The following DCXR variants were observed in gnomAD, a reference collection of about 807,000 sequenced individuals.
DCXR encodes L-xylulose reductase.
A neutral mutation model predicts 25.9 loss-of-function variants in DCXR; 24 were observed. The ratio of observed to expected loss-of-function variants is 0.93; its 90% CI spans 0.67 to 1.30. The LOEUF (loss-of-function observed/expected upper bound fraction) is 1.30. Ranked by LOEUF, DCXR falls within the 50% of genes most tolerant of loss-of-function variation. DCXR has a pLI of 0.00. For missense variants in DCXR, 348 were observed against 333.7 expected (o/e 1.04, Z -0.33); for synonymous variants, 161 against 141.7 (o/e 1.14, Z -0.97).
rs1261854537 is a variant in DCXR, at chr17:82,035,956, G to A, written c.*4C>T. 1 of 1,611,560 alleles carries A rather than the reference G, an allele frequency of 6.2e-7. No individual in the cohort carries two copies. Among genetic ancestry groups the A allele is most frequent in the Non-Finnish European group, 8.5e-7 (1 of 1,179,070 alleles). On this transcript the variant is annotated 3_prime_UTR_variant, in exon 8 of 8. Transcript: ENST00000306869. ...GCATGGGGCTTGAGGTGTGTGGAGG[G>A]AGCTCAGCAGGCCCAGAAGCCCCCT... is the stretch of plus-strand genomic sequence containing the variant.
chr17:82,037,287 G>T, intron 2 of DCXR, 163 bp downstream of exon 2: 1 of 960,284 alleles, frequency 1.0e-6, no homozygotes, highest in Non-Finnish European at 1.5e-6. Context: ...GGCCGCCCAC[G>T]CAGGCCACCA....
At chr17:82,037,052 C>G (rs1244164958) in intron 2 of DCXR, 39 bp from the exon 3 acceptor site, 2 of 1,548,536 alleles carry the variant, frequency 1.3e-6, no homozygotes, top group African/African-American at 2.7e-5. Flanking sequence ...GGCTCTGTGC[C>G]CAGCAAGCGG....
chr17:82,037,622 G>A lies in DCXR; in HGVS notation c.52+9C>T, dbSNP rs778506852. 1.3e-6 allele frequency: 2 copies of A among 1,576,784 alleles called. No homozygotes were observed. Among genetic ancestry groups the A allele is most frequent in the African/African-American group, 1.4e-5 (1 of 73,944 alleles). Reference sequence around the variant, plus strand: ...CGCCGGCCTTTGCCCACCTTTCCCCGCCGCCCACCTTTGCCTGCCCCGGTG... The same window carrying A: ...CGCCGGCCTTTGCCCACCTTTCCCCACCGCCCACCTTTGCCTGCCCCGGTG... On this transcript the variant is annotated intron_variant, in intron 1 of 7. Coordinates refer to ENST00000306869, the MANE Select transcript of DCXR (RefSeq NM_016286.4).
In DCXR at chr17:82,037,673, A is replaced by G. The variant is rs762303638; in HGVS notation, c.10T>C (p.Phe4Leu). The G allele has an allele frequency of 4.3e-4, 683 of 1,591,460 alleles. No individual in the cohort carries two copies. Among genetic ancestry groups the G allele is most frequent in the Non-Finnish European group, 5.5e-4 (645 of 1,176,604 alleles). The change falls in exon 1 of 8, where the codon TTC becomes CTC. Residue 4 changes from phenylalanine to leucine, a missense_variant. Coordinates refer to ENST00000306869, the MANE Select transcript of DCXR (RefSeq NM_016286.4). MEL[F>L]LAGRRVLVTG... ...ACCAGCACCCGGCGGCCCGCGAGGA[A>G]CAGCTCCATGTCGGCGCAGTCTCCG...
In DCXR at chr17:82,036,637, CCA is replaced by C; in HGVS notation, c.353_354del (p.Val118GlyfsTer27). ...ACTCCCCGGGCTATTAAGCCCCTGGCCACAATCTGGAATCGCAGCGAGACCGT... is the reference window on the plus strand; with the variant it reads ...ACTCCCCGGGCTATTAAGCCCCTGGCCAATCTGGAATCGCAGCGAGACCGT... ...LRAVIQVSQI[V>X]ARGLIARGVP... On this transcript the variant is annotated frameshift_variant, in exon 5 of 8. Coordinates refer to ENST00000306869, the MANE Select transcript of DCXR (RefSeq NM_016286.4). LOFTEE classifies it high-confidence loss of function. The C allele has an allele frequency of 2.5e-6, 4 of 1,613,330 alleles. No individual in the cohort carries two copies. The highest frequency in any genetic ancestry group is 3.4e-6 in the Non-Finnish European group (4 of 1,180,008).
At position 82,037,467 on chromosome 17, in the gene DCXR, C is replaced by T. The variant is rs972691006; in HGVS notation, c.133G>A (p.Asp45Asn). 2 of 1,531,856 alleles carry T rather than the reference C, an allele frequency of 1.3e-6. No individual in the cohort carries two copies. Among genetic ancestry groups the T allele is most frequent in the South Asian group, 2.4e-5 (2 of 83,570 alleles). 94.9% of individuals were successfully genotyped at this position (1,531,856 alleles called of 1,614,324 possible). Residue 45 changes from aspartate (D) to asparagine (N), a missense_variant, in exon 2 of 8, where the codon GAC becomes AAC. Transcript: ENST00000306869. ...VAVSRTQADLDSLVRECPGIE... is the reference protein window; with the variant it reads ...VAVSRTQADLNSLVRECPGIE... The stretch of plus-strand genomic sequence containing the variant: ...GGACCTACCTCGCGGACAAGGCTGT[C>T]AAGATCCGCCTGAGTCCGGCTCACA...
chr17:82,037,089 C>T (rs2043501526), intron 2 of DCXR, 76 bp from the exon 3 acceptor site: 4 of 1,528,956 alleles, frequency 2.6e-6, no homozygotes, highest in Non-Finnish European at 3.5e-6. Flanking sequence ...GGCTGGTGAC[C>T]TTTCAGCCGG....
chr17:82,037,417 C>T lies in DCXR; in HGVS notation c.150+33G>A, dbSNP rs750187819. The T allele has an allele frequency of 3.5e-5, 53 of 1,513,768 alleles. No homozygotes were observed. In the African/African-American group the frequency reaches 7.1e-4, roughly 20 times the overall value. The allele number at this position is 1,513,768 out of a possible 1,614,324, so 93.8% of individuals were successfully genotyped here. A position where few individuals can be genotyped will look rare whatever the true frequency, so the allele number is the denominator to read the frequency against. ...TCGCTGCCGCCCCCTCCTGGCTCGC[C>T]GCCTCGCAGCGCTGGGACCCGGCGG... On this transcript the variant is annotated intron_variant, in intron 2 of 7. Coordinates refer to ENST00000306869, the MANE Select transcript of DCXR (RefSeq NM_016286.4).
At position 82,037,485 on chromosome 17, in the gene DCXR, G is replaced by T. The variant is rs761485340; in HGVS notation, c.115C>A (p.Arg39=). The part of the protein sequence containing the change: ...ATGARVVAVS[R]TQADLDSLVR... ...AGGCTGTCAAGATCCGCCTGAGTCCGGCTCACAGCCACCACCCGCGCGCCC... is the reference window on the plus strand; with the variant it reads ...AGGCTGTCAAGATCCGCCTGAGTCCTGCTCACAGCCACCACCCGCGCGCCC... Residue 39 remains arginine, a synonymous_variant, in exon 2 of 8, where the codon CGG becomes AGG. Coordinates refer to ENST00000306869, the MANE Select transcript of DCXR (RefSeq NM_016286.4). 8 of 1,536,704 alleles carry T rather than the reference G, an allele frequency of 5.2e-6. No homozygotes were observed. In the South Asian group the frequency reaches 6.0e-5, roughly 11 times the overall value.
chr17:82,037,160 T>C, intron 2 of DCXR, 147 bp from the exon 3 acceptor site: 1 of 1,088,580 alleles, frequency 9.2e-7, no homozygotes, highest in Non-Finnish European at 1.3e-6. Context: ...AGCCGGGCGC[T>C]ACCTCCGGCC....
rs369621092 is a variant in DCXR at position 82,036,337 on chromosome 17, G to A, written c.514-29C>T. The A allele has an allele frequency of 9.3e-6, 15 of 1,613,154 alleles. No homozygotes were observed. The African/African-American group carries it at 1.9e-4, about 20-fold the overall frequency. ...CACCGGGACAGCTGGGGTCAGCAGGGCAAGTGGGGTGTCCTAGGTTGGGGG... is the reference window on the plus strand; with the variant it reads ...CACCGGGACAGCTGGGGTCAGCAGGACAAGTGGGGTGTCCTAGGTTGGGGG... On this transcript the variant is annotated intron_variant, in intron 6 of 7. Transcript: ENST00000306869.
At chr17:82,037,122 C>T in intron 2 of DCXR, 109 bp from the exon 3 acceptor site, 1 of 1,411,362 alleles carries the variant, frequency 7.1e-7, no homozygotes, top group Admixed American at 2.0e-5. Flanking sequence ...GTTAGGAGTT[C>T]CGAAGGTGTC....
intron 2 of DCXR, 170 bp downstream of exon 2, chr17:82,037,280 C>G: frequency 6.4e-6 from 6 of 934,556 alleles, no homozygotes; most frequent in Non-Finnish European, 9.2e-6. Flanking sequence ...ACCACCCGGC[C>G]GCCCACGCAG....
chr17:82,037,641 C>T lies in DCXR; in HGVS notation c.42G>A (p.Gly14=), dbSNP rs895296966. 1 of 1,589,000 alleles carries T rather than the reference C, an allele frequency of 6.3e-7. No homozygotes were observed. The highest frequency in any genetic ancestry group is 1.1e-5 in the South Asian group (1 of 89,356). ...TTCCCCGCCGCCCACCTTTGCCTGC[C>T]CCGGTGACCAGCACCCGGCGGCCCG... ...FLAGRRVLVT[G]AGKGIGRGTV... is the part of the protein sequence containing the mutation. The change falls in exon 1 of 8, where the codon GGG becomes GGA. Residue 14 remains glycine (G), a synonymous_variant. Transcript: ENST00000306869.
chr17:82,036,662 C>G lies in DCXR; in HGVS notation c.349-19G>C. 1 of 1,613,414 alleles carries G rather than the reference C, an allele frequency of 6.2e-7. No homozygotes were observed. Among genetic ancestry groups the G allele is most frequent in the Non-Finnish European group, 8.5e-7 (1 of 1,179,978 alleles). Reference sequence around the variant, plus strand: ...CCACAATCTGGAATCGCAGCGAGACCGTGAGGCAGAGCTGGCATCACTCAC... The same window carrying G: ...CCACAATCTGGAATCGCAGCGAGACGGTGAGGCAGAGCTGGCATCACTCAC... On this transcript the variant is annotated intron_variant, in intron 4 of 7. Coordinates refer to ENST00000306869, the MANE Select transcript of DCXR (RefSeq NM_016286.4).
In DCXR at chr17:82,036,629, G is replaced by A. The variant is rs368246980; in HGVS notation, c.363C>T (p.Gly121=). 3 of 1,613,264 alleles carry A rather than the reference G, an allele frequency of 1.9e-6. No individual in the cohort carries two copies. ...CCCCTGGGACTCCCCGGGCTATTAA[G>A]CCCCTGGCCACAATCTGGAATCGCA... ...VIQVSQIVAR[G]LIARGVPGAI... The change falls in exon 5 of 8, where the codon GGC becomes GGT. Residue 121 remains glycine (G), a synonymous_variant. Coordinates refer to ENST00000306869, the MANE Select transcript of DCXR (RefSeq NM_016286.4).
At chr17:82,037,577 C>T (rs1183336982) in intron 1 of DCXR, 30 bp from the exon 2 acceptor site, 9 of 1,546,924 alleles carry the variant, frequency 5.8e-6, no homozygotes, top group Admixed American at 1.9e-5. Flanking sequence ...TGAAGGCGTC[C>T]CCTGCCCGCC....
Position 82,035,893 on chromosome 17 carries a change from T to A in DCXR, c.*67A>T. The A allele has an allele frequency of 7.2e-7, 1 of 1,392,150 alleles. No homozygotes were observed. The highest frequency in any genetic ancestry group is 1.0e-6 in the Non-Finnish European group (1 of 988,194). 86.2% of individuals were successfully genotyped at this position (1,392,150 alleles called of 1,614,324 possible). The stretch of plus-strand genomic sequence containing the variant: ...ATAGCACATAGTCTGGGCAGCAGAA[T>A]CAGGTTTATTGGAGGGATTGGGGGT... On this transcript the variant is annotated 3_prime_UTR_variant, in exon 8 of 8. Coordinates refer to ENST00000306869, the MANE Select transcript of DCXR (RefSeq NM_016286.4).
Position 82,036,365 on chromosome 17 carries a change from G to T in DCXR, c.513+19C>A. On this transcript the variant is annotated intron_variant, in intron 6 of 7. Transcript: ENST00000306869. ...AGTGGGGTGTCCTAGGTTGGGGGAG[G>T]TACCCCAGCCCTGCTCACCTTGTGG... is the stretch of plus-strand genomic sequence containing the variant. 1.2e-6 allele frequency: 2 copies of T among 1,613,212 alleles called. No homozygotes were observed. The highest frequency in any genetic ancestry group is 1.7e-6 in the Non-Finnish European group (2 of 1,179,926).
Sources: gnomAD v4.1 joint callset for allele counts on GRCh38, gnomAD v4.1.1 for gene constraint, MANE v1.5 for transcripts, NCBI Gene and HGNC (gene_info 2026-07-23, HGNC 2026-07-21) for gene names.